ARHGEF3: variants seen among roughly 807,000 people sequenced by gnomAD.
The protein encoded by ARHGEF3 is Rho guanine nucleotide exchange factor 3, also known as 59.8 kDA protein.
In ARHGEF3, 28 loss-of-function variants were observed where a neutral mutation model predicts 63.2. The ratio of observed to expected loss-of-function variants is 0.44; its 90% CI spans 0.33 to 0.61. The LOEUF is 0.61. ARHGEF3 is among the 20% of genes least tolerant of loss of function. The probability of loss-of-function intolerance (pLI) is 0.03; values close to 1 mark genes in which losing one functional copy is unlikely to be tolerated. For missense variants in ARHGEF3, 533 were observed against 659.3 expected, an observed-to-expected ratio of 0.81 and a Z score of 2.10; for synonymous variants, 266 against 254.2, an observed-to-expected ratio of 1.05 and a Z score of -0.44.
intron 2 of ARHGEF3, among the ~76,000 whole-genome samples, chr3:57,034,360 C>A (rs1335836702): frequency 2.0e-5 from 3 of 151,406 alleles, no homozygotes; most frequent in Non-Finnish European, 4.4e-5. Flanking sequence ...GACGGAGCTG[C>A]CAAGAGCTCA....
intron 2 of ARHGEF3, among the ~76,000 whole-genome samples, chr3:57,000,938 T>A (rs1702169486): frequency 6.6e-6 from 1 of 151,884 alleles, no homozygotes. Context: ...TCTGCAATTT[T>A]ATTTTTTAAT....
chr3:56,755,042 C>T lies in ARHGEF3; in HGVS notation c.314G>A (p.Ser105Asn). The change falls in exon 3 of 10, where the codon AGT (serine) becomes AAT (asparagine). Residue 105 changes from serine (S) to asparagine (N), a missense_variant. Transcript: ENST00000296315. ...STKRRDSKLW[S>N]ETFDVCVNQM... ...ATTGACGCACACATCGAAGGTCTCA[C>T]TCCACAGCTTGCTATCTCTCCGTTT... 1 of 1,614,220 alleles carries T rather than the reference C, an allele frequency of 6.2e-7. No homozygotes were observed. The highest frequency in any genetic ancestry group is 8.5e-7 in the Non-Finnish European group (1 of 1,180,048).
At chr3:56,909,418 CCT>C (rs2041794190) in intron 3 of ARHGEF3, among the ~76,000 whole-genome samples, 1 of 152,166 alleles carries the variant, frequency 6.6e-6, no homozygotes, top group Non-Finnish European at 1.5e-5. Flanking sequence ...GCAGAGCCTG[CCT>C]CTCTCCCCAG....
chr3:57,013,300 G>A lies in ARHGEF3; in HGVS notation c.62+21788C>T, dbSNP rs139958665. Among the ~76,000 whole-genome samples, 959 of 152,342 alleles carry A rather than the reference G, an allele frequency of 6.3e-3. 16 individuals are homozygous for A. Among genetic ancestry groups the A allele is most frequent in the African/African-American group, 0.022 (903 of 41,580 alleles). On this transcript the variant is annotated intron_variant, in intron 2 of 12. Coordinates refer to the ARHGEF3 transcript ENST00000338458. ...CAGCTCAGCCCCCGGCCCTGGCATGGGATCCACTAGGCGAAGCCAGCTGGG... is the reference window on the plus strand; with the variant it reads ...CAGCTCAGCCCCCGGCCCTGGCATGAGATCCACTAGGCGAAGCCAGCTGGG...
chr3:56,919,238 A>G (rs1197278499), intron 3 of ARHGEF3, among the ~76,000 whole-genome samples: 2 of 152,224 alleles, frequency 1.3e-5, no homozygotes, highest in African/African-American at 2.4e-5. Flanking sequence ...GCTGGCAACT[A>G]TTCATCACCA....
At chr3:56,878,715 T>TC (rs1560015597) in intron 4 of ARHGEF3, among the ~76,000 whole-genome samples, 1 of 152,056 alleles carries the variant, frequency 6.6e-6, no homozygotes. Context: ...AAGTGATGCA[T>TC]CCCCCCAAAC....
At chr3:56,922,672 G>C (rs1359133673) in intron 3 of ARHGEF3, among the ~76,000 whole-genome samples, 1 of 152,142 alleles carries the variant, frequency 6.6e-6, no homozygotes, top group Non-Finnish European at 1.5e-5. Flanking sequence ...TAACTCTTTA[G>C]GGATAATTTC....
chr3:56,868,656 CCCAG>C (rs1414156667), intron 4 of ARHGEF3, among the ~76,000 whole-genome samples: 2 of 152,150 alleles, frequency 1.3e-5, no homozygotes, highest in African/African-American at 4.8e-5. Context: ...AGCCACTGCG[CCCAG>C]CCAGTTTCAA....
At chr3:56,978,886 TG>T (rs1701221197) in intron 2 of ARHGEF3, among the ~76,000 whole-genome samples, 1 of 152,232 alleles carries the variant, frequency 6.6e-6, no homozygotes, top group African/African-American at 2.4e-5. Context: ...CTGGGTACAG[TG>T]GCTCACACCT....
At chr3:56,741,065 A>G (rs1205412950) in intron 7 of ARHGEF3, among the ~76,000 whole-genome samples, 1 of 152,122 alleles carries the variant, frequency 6.6e-6, no homozygotes, top group African/African-American at 2.4e-5. Flanking sequence ...TTCTCATTCC[A>G]TGTTCTATGT....
At position 56,742,689 on chromosome 3, in the gene ARHGEF3, G is replaced by A. The variant is rs951016288; in HGVS notation, c.870+2516C>T. ...TAAAGGGAAAAAAAAAATCCTGTGC[G>A]TATACTGTGTAAGTAGGCATTTGGA... On this transcript the variant is annotated intron_variant, in intron 7 of 9. Transcript: ENST00000296315. 7.2e-5 allele frequency among the ~76,000 whole-genome samples: 11 copies of A among 152,180 alleles called. No individual in the cohort carries two copies. The South Asian group carries it at 1.0e-3, about 14-fold the overall frequency.
At chr3:57,058,607 T>C (rs558595827) in intron 1 of ARHGEF3, among the ~76,000 whole-genome samples, 1 of 152,176 alleles carries the variant, frequency 6.6e-6, no homozygotes, top group East Asian at 1.9e-4. Context: ...GATCTAGAAC[T>C]AGAAATACCA....
At chr3:56,914,759 T>C (rs2041941279) in intron 3 of ARHGEF3, among the ~76,000 whole-genome samples, 1 of 152,136 alleles carries the variant, frequency 6.6e-6, no homozygotes, top group South Asian at 2.1e-4. Context: ...AGACAAATAC[T>C]GTTTGACTCT....
intron 2 of ARHGEF3, among the ~76,000 whole-genome samples, chr3:56,992,226 C>A (rs1419087972): frequency 6.6e-6 from 1 of 151,526 alleles, no homozygotes; most frequent in Non-Finnish European, 1.5e-5. Context: ...AAATATTTTG[C>A]CCAGGCTAAG....
At chr3:57,070,641 C>A (rs768303112) in intron 1 of ARHGEF3, among the ~76,000 whole-genome samples, 3 of 151,950 alleles carry the variant, frequency 2.0e-5, no homozygotes, top group Non-Finnish European at 2.9e-5. Context: ...ATAGGGAGAT[C>A]CAGAACAGCC....
At chr3:56,919,366 A>G (rs1249533644) in intron 3 of ARHGEF3, among the ~76,000 whole-genome samples, 1 of 152,172 alleles carries the variant, frequency 6.6e-6, no homozygotes, top group Non-Finnish European at 1.5e-5. Context: ...TAAAAACACG[A>G]GTTGCTGGGT....
chr3:56,946,190 G>A (rs1699487919), intron 3 of ARHGEF3, among the ~76,000 whole-genome samples: 1 of 152,182 alleles, frequency 6.6e-6, no homozygotes, highest in Admixed American at 6.5e-5. Flanking sequence ...AAACAGAGCA[G>A]AAAATCTAGA....
chr3:56,788,149 C>G (rs922582183), intron 1 of ARHGEF3, among the ~76,000 whole-genome samples: 2 of 152,090 alleles, frequency 1.3e-5, no homozygotes, highest in African/African-American at 4.8e-5. Context: ...CAAAGGTGTC[C>G]CGCTTATGTG....
At chr3:56,804,927 A>T (rs1232884997), upstream of ARHGEF3, among the ~76,000 whole-genome samples, 2 of 152,112 alleles carry the variant, frequency 1.3e-5, no homozygotes, top group Non-Finnish European at 2.9e-5. Context: ...GGCCACCAAG[A>T]ACCTGTGCCC....
Sources: allele counts gnomAD v4.1 joint callset (sites outside exome capture counted in the v4.1 genomes callset), GRCh38; gene constraint gnomAD v4.1.1; transcripts MANE v1.5; gene names NCBI Gene and HGNC (gene_info 2026-07-23, HGNC 2026-07-21).